TDRD3: variants seen among roughly 807,000 people sequenced by gnomAD.
TDRD3 encodes the protein tudor domain containing 3.
Under a neutral mutation model 86.7 loss-of-function variants are expected in TDRD3, and 45 were observed. The observed-to-expected ratio is 0.52, with a 90% confidence interval of 0.41 to 0.67. The LOEUF (loss-of-function observed/expected upper bound fraction) is 0.67. TDRD3 is among the 30% of genes least tolerant of loss of function. The pLI is 0.00. For synonymous variants in TDRD3, 298 were observed against 301.7 expected, an observed-to-expected ratio of 0.99 and a Z score of 0.13; for missense variants, 814 against 889.0, an observed-to-expected ratio of 0.92 and a Z score of 1.07.
intron 6 of TDRD3, among the ~76,000 whole-genome samples, chr13:60,484,049 A>G (rs1956375308): frequency 6.6e-6 from 1 of 152,146 alleles, no homozygotes; most frequent in African/African-American, 2.4e-5. Context: ...CTGTTAACCC[A>G]AAGATTGAAG....
intron 7 of TDRD3, among the ~76,000 whole-genome samples, chr13:60,493,687 A>G (rs1956652063): frequency 6.6e-6 from 1 of 152,144 alleles, no homozygotes; most frequent in African/African-American, 2.4e-5. Flanking sequence ...ATCTATAAAA[A>G]TATTGTTTAA....
intron 1 of TDRD3, among the ~76,000 whole-genome samples, chr13:60,437,397 G>A (rs1049387352): frequency 7.9e-5 from 12 of 151,678 alleles, no homozygotes; most frequent in Non-Finnish European, 1.8e-4. Flanking sequence ...AAGTGCTGGG[G>A]TTAGAGGCGT....
rs1475496511 is a variant in TDRD3 at position 60,535,090 on chromosome 13, C to A, written c.1993-18C>A. On this transcript the variant is annotated intron_variant, in intron 11 of 13. Coordinates refer to ENST00000377881, the MANE Select transcript of TDRD3 (RefSeq NM_001146070.2). Reference sequence around the variant, plus strand: ...ACAATACCAGTTGTCATATTTAAAACTCCTTTTGCCTCCTCAGTTTTACCG... The same window carrying A: ...ACAATACCAGTTGTCATATTTAAAAATCCTTTTGCCTCCTCAGTTTTACCG... The A allele has an allele frequency of 6.2e-7, 1 of 1,611,954 alleles. No individual in the cohort carries two copies. The highest frequency in any genetic ancestry group is 1.7e-5 in the Admixed American group (1 of 59,566).
chr13:60,558,636 T>C (rs545516208), intron 12 of TDRD3, among the ~76,000 whole-genome samples: 35 of 152,284 alleles, frequency 2.3e-4, no homozygotes, highest in African/African-American at 8.2e-4. Flanking sequence ...GTTAATCATG[T>C]TAATTTATTT....
chr13:60,556,068 G>A (rs1166183633), intron 12 of TDRD3, among the ~76,000 whole-genome samples: 5 of 152,138 alleles, frequency 3.3e-5, no homozygotes, highest in South Asian at 2.1e-4. Flanking sequence ...GGATGGTCTC[G>A]ATCTCCTGAC....
At chr13:60,513,809 A>G (rs904856751) in intron 10 of TDRD3, among the ~76,000 whole-genome samples, 14 of 152,366 alleles carry the variant, frequency 9.2e-5, no homozygotes, top group Admixed American at 8.5e-4. Context: ...TTCCCTAGTC[A>G]TGTGGAACTA....
rs533974547 is a variant in TDRD3 at position 60,467,030 on chromosome 13, G to A, written c.354-208G>A. 7.2e-5 allele frequency among the ~76,000 whole-genome samples: 11 copies of A among 151,968 alleles called. No homozygotes were observed. In the South Asian group the frequency reaches 2.3e-3, roughly 32 times the overall value. On this transcript the variant is annotated intron_variant, in intron 4 of 13. Coordinates refer to ENST00000377881, the MANE Select transcript of TDRD3 (RefSeq NM_001146070.2). The stretch of plus-strand genomic sequence containing the variant: ...GTACATGTGTAGGATGTGCAGATTT[G>A]TTACATAGGTGATATGTGCCATGGT...
intron 1 of TDRD3, among the ~76,000 whole-genome samples, chr13:60,411,469 C>A (rs1428059386): frequency 6.6e-6 from 1 of 152,040 alleles, no homozygotes; most frequent in African/African-American, 2.4e-5. Flanking sequence ...AAGCAAAATG[C>A]AAAAGCAGAT....
At chr13:60,515,830 T>A (rs1011132151) in intron 10 of TDRD3, among the ~76,000 whole-genome samples, 1 of 152,226 alleles carries the variant, frequency 6.6e-6, no homozygotes, top group Admixed American at 6.5e-5. Flanking sequence ...GAATCTCCAC[T>A]TTGGTGGAAA....
rs144989006 is a variant in TDRD3 at position 60,497,409 on chromosome 13, T to C, written c.858+2834T>C. On this transcript the variant is annotated intron_variant, in intron 8 of 13. Coordinates refer to ENST00000377881, the MANE Select transcript of TDRD3 (RefSeq NM_001146070.2). The stretch of plus-strand genomic sequence containing the variant: ...GCTATTTCTTCTGTTTTTGCCTAAT[T>C]AGCATTTTAGTGAGCTCTCTTTACT... 7.8e-3 allele frequency among the ~76,000 whole-genome samples: 1,193 copies of C among 152,268 alleles called. 16 individuals are homozygous for C. Among genetic ancestry groups the C allele is most frequent in the African/African-American group, 0.027 (1,131 of 41,532 alleles).
At chr13:60,502,996 A>G (rs529327027) in intron 8 of TDRD3, among the ~76,000 whole-genome samples, 1 of 152,346 alleles carries the variant, frequency 6.6e-6, no homozygotes, top group South Asian at 2.1e-4. Context: ...AGAAACAAAC[A>G]TGCTCCAAAC....
At chr13:60,456,495 T>C (rs975876741) in intron 3 of TDRD3, among the ~76,000 whole-genome samples, 13 of 152,206 alleles carry the variant, frequency 8.5e-5, no homozygotes, top group African/African-American at 2.9e-4. Context: ...TAAAATTTTT[T>C]AGAGTAATTT....
At chr13:60,403,064 A>G in intron 1 of TDRD3, among the ~76,000 whole-genome samples, 1 of 151,946 alleles carries the variant, frequency 6.6e-6, no homozygotes, top group East Asian at 1.9e-4. Flanking sequence ...GATACTGTAA[A>G]CTGCGAAAAA....
intron 1 of TDRD3, among the ~76,000 whole-genome samples, chr13:60,405,790 T>C (rs1320552934): frequency 6.6e-6 from 1 of 152,220 alleles, no homozygotes; most frequent in Non-Finnish European, 1.5e-5. Flanking sequence ...GTGAGGGTTA[T>C]GGTGGGAATA....
intron 1 of TDRD3, among the ~76,000 whole-genome samples, chr13:60,405,149 A>G (rs1328045410): frequency 6.6e-6 from 1 of 152,138 alleles, no homozygotes. Context: ...AAAAAGGACT[A>G]TTAGAGACAG....
intron 6 of TDRD3, chr13:60,484,901 T>C (rs1595001417): frequency 3.6e-6 from 1 of 276,880 alleles, no homozygotes; most frequent in Non-Finnish European, 7.1e-6. Context: ...CAGAGACTTA[T>C]GATCTAATTA....
intron 10 of TDRD3, among the ~76,000 whole-genome samples, chr13:60,512,144 A>T (rs1320060398): frequency 6.6e-6 from 1 of 152,166 alleles, no homozygotes. Context: ...TCACGGTGGA[A>T]GGCAAGGAGG....
chr13:60,404,553 G>T (rs9538681), intron 1 of TDRD3, among the ~76,000 whole-genome samples: 3 of 151,324 alleles, frequency 2.0e-5, no homozygotes, highest in Admixed American at 2.0e-4. Flanking sequence ...CTCGTGATCC[G>T]CCCGCCTCGG....
At chr13:60,414,272 CA>C (rs1377263393) in intron 1 of TDRD3, among the ~76,000 whole-genome samples, 1 of 152,006 alleles carries the variant, frequency 6.6e-6, no homozygotes, top group Non-Finnish European at 1.5e-5. Flanking sequence ...AAGGAGTTGG[CA>C]GACTATGACC....
Sources: gnomAD v4.1 joint callset for allele counts (sites outside exome capture counted in the v4.1 genomes callset) on GRCh38, gnomAD v4.1.1 for gene constraint, MANE v1.5 for transcripts, NCBI Gene and HGNC (gene_info 2026-07-23, HGNC 2026-07-21) for gene names.